The following MGAT5B variants were observed in gnomAD, a reference collection of about 807,000 sequenced individuals.
MGAT5B encodes N-acetylglucosaminyl-transferase Vb.
MGAT5B carries 54 observed loss-of-function variants against 95.1 expected under a neutral mutation model. That is an observed-to-expected ratio of 0.57 (90% CI 0.46 to 0.71). MGAT5B has a LOEUF of 0.71. MGAT5B is among the 30% of genes least tolerant of loss of function. The pLI, the probability that MGAT5B is intolerant of heterozygous loss-of-function variation, is 0.00. For missense variants in MGAT5B, 935 were observed against 1,088.6 expected, an observed-to-expected ratio of 0.86 and a Z score of 1.99; for synonymous variants, 464 against 451.0, an observed-to-expected ratio of 1.03 and a Z score of -0.36.
Position 76,914,644 on chromosome 17 carries a change from C to CTTTTTTTTTTT in MGAT5B, c.1025+8460_1025+8470dup, listed in dbSNP as rs55850824. Among the ~76,000 whole-genome samples the CTTTTTTTTTTT allele has an allele frequency of 1.1e-3, 165 of 146,196 alleles. No individual in the cohort carries two copies. The highest frequency in any genetic ancestry group is 1.7e-3 in the Non-Finnish European group (111 of 66,592). On this transcript the variant is annotated intron_variant, in intron 8 of 17. Transcript: ENST00000569840. The surrounding 1 kb of genome is among the most constrained non-coding windows in gnomAD (Gnocchi z 5.1). The stretch of plus-strand genomic sequence containing the variant: ...CTCTGTGTCCACATTTCTTCTTCCT[C>CTTTTTTTTTTT]TTTTTTTTTTTTTGAGACAGAGTCT...
At position 76,925,231 on chromosome 17, in the gene MGAT5B, C is replaced by T. The variant is rs62077196; in HGVS notation, c.1157+134C>T. ...AGAACATACTGTCCTGCATCCTGCC[C>T]TCCGCCCTCCCCTCCCCTCCCCTGC... is the stretch of plus-strand genomic sequence containing the variant. On this transcript the variant is annotated intron_variant, in intron 9 of 17. Coordinates refer to ENST00000569840, the MANE Select transcript of MGAT5B (RefSeq NM_001199172.2). The T allele has an allele frequency of 8.6e-3, 3,805 of 444,074 alleles. 32 individuals carry two copies. The highest frequency in any genetic ancestry group is 0.011 in the Non-Finnish European group (3,219 of 295,880). 27.5% of individuals were successfully genotyped at this position (444,074 alleles called of 1,614,324 possible). A position where few individuals can be genotyped will look rare whatever the true frequency, so the allele number is the denominator to read the frequency against.
chr17:76,893,961 G>A (rs903303370), intron 3 of MGAT5B, among the ~76,000 whole-genome samples: 1 of 152,172 alleles, frequency 6.6e-6, no homozygotes, highest in African/African-American at 2.4e-5. Context: ...CCACCTTCCC[G>A]GGGTGTAAGA....
chr17:76,923,546 A>G (rs1263646145), intron 8 of MGAT5B, among the ~76,000 whole-genome samples: 1 of 152,028 alleles, frequency 6.6e-6, no homozygotes, highest in African/African-American at 2.4e-5. Context: ...GAAGATGAAG[A>G]CAGGGCACGT....
intron 3 of MGAT5B, among the ~76,000 whole-genome samples, chr17:76,894,874 A>G (rs1968009955): frequency 6.7e-6 from 1 of 149,790 alleles, no homozygotes. Context: ...AGAAAAAAAG[A>G]AAAAAAAAGG....
At chr17:76,900,498 G>C (rs1190090164) in intron 3 of MGAT5B, among the ~76,000 whole-genome samples, 1 of 152,262 alleles carries the variant, frequency 6.6e-6, no homozygotes, top group Admixed American at 6.5e-5. Context: ...AGTGGACACA[G>C]ACACACACAG....
rs371313468 is a variant in MGAT5B, at chr17:76,912,162, G to A, written c.1025+5975G>A. ...ACGTTAACTCCATTACCTCTGTAAGGACCCCAACTCCAAATAAGGTCATAG... is the reference window on the plus strand; with the variant it reads ...ACGTTAACTCCATTACCTCTGTAAGAACCCCAACTCCAAATAAGGTCATAG... On this transcript the variant is annotated intron_variant, in intron 8 of 17. Coordinates refer to ENST00000569840, the MANE Select transcript of MGAT5B (RefSeq NM_001199172.2). This position sits in a 1 kb window ranked among gnomAD's most constrained non-coding sequence, Gnocchi z 5.0. Among the ~76,000 whole-genome samples the A allele has an allele frequency of 7.9e-5, 12 of 152,148 alleles. No homozygotes were observed. In the East Asian group the frequency reaches 9.6e-4, roughly 12 times the overall value.
chr17:76,887,061 A>AACAAAAACAAAAC (rs1967658819), intron 3 of MGAT5B, among the ~76,000 whole-genome samples: 1 of 152,040 alleles, frequency 6.6e-6, no homozygotes, highest in Non-Finnish European at 1.5e-5. Flanking sequence ...AAAAACAAAA[A>AACAAAAACAAAAC]AACACCGTTG....
intron 8 of MGAT5B, among the ~76,000 whole-genome samples, chr17:76,910,961 TA>T (rs1218237241): frequency 6.6e-6 from 1 of 152,150 alleles, no homozygotes; most frequent in African/African-American, 2.4e-5. Context: ...AGAATAAAAA[TA>T]AAAGCAAAAC....
At chr17:76,902,167 C>A (rs749216917) in intron 3 of MGAT5B, among the ~76,000 whole-genome samples, 16 of 152,108 alleles carry the variant, frequency 1.1e-4, no homozygotes, top group Non-Finnish European at 1.6e-4. Context: ...GGCACACGTG[C>A]AGTTGTGGCC....
At chr17:76,910,647 C>CAT (rs2090314600) in intron 8 of MGAT5B, among the ~76,000 whole-genome samples, 1 of 152,266 alleles carries the variant, frequency 6.6e-6, no homozygotes, top group South Asian at 2.1e-4. Context: ...CACACACATG[C>CAT]ATGTCCACAC....
At chr17:76,885,123 C>G (rs1030447614) in intron 3 of MGAT5B, among the ~76,000 whole-genome samples, 1 of 152,100 alleles carries the variant, frequency 6.6e-6, no homozygotes, top group Non-Finnish European at 1.5e-5. Flanking sequence ...GCAGTGAGGC[C>G]GTGGTGGAGA....
chr17:76,901,162 C>T (rs1291937120), intron 3 of MGAT5B, among the ~76,000 whole-genome samples: 3 of 152,068 alleles, frequency 2.0e-5, no homozygotes, highest in East Asian at 1.9e-4. Context: ...CTGTAGAGGG[C>T]GGGTGGCCAT....
At chr17:76,902,118 G>T (rs1968334604) in intron 3 of MGAT5B, among the ~76,000 whole-genome samples, 1 of 152,048 alleles carries the variant, frequency 6.6e-6, no homozygotes, top group African/African-American at 2.4e-5. Flanking sequence ...GTGTGCATAT[G>T]TGGGGACATG....
chr17:76,900,392 T>C (rs1000078676), intron 3 of MGAT5B, among the ~76,000 whole-genome samples: 3 of 152,228 alleles, frequency 2.0e-5, no homozygotes, highest in African/African-American at 7.2e-5. Flanking sequence ...CTCATTTGGA[T>C]ATAAGCTCTT....
At chr17:76,886,628 G>A (rs1389452168) in intron 3 of MGAT5B, among the ~76,000 whole-genome samples, 1 of 152,220 alleles carries the variant, frequency 6.6e-6, no homozygotes, top group Non-Finnish European at 1.5e-5. Context: ...GCAGATGGCT[G>A]AGGTGGCTGA....
rs897390924 is a variant in MGAT5B, at chr17:76,932,549, C to T, written c.1292-96C>T. ...TGCCCCGCCCCCTTTCCCACCCCTG[C>T]CAAAAGAGGACCTCTTGGGCGGGGC... On this transcript the variant is annotated intron_variant, in intron 10 of 17. Transcript: ENST00000569840. 4.5e-6 allele frequency: 7 copies of T among 1,553,038 alleles called. No individual in the cohort carries two copies. The Admixed American group carries it at 1.3e-4, about 29-fold the overall frequency.
rs1968393036 is a variant in MGAT5B at position 76,903,363 on chromosome 17, C to G, written c.506C>G (p.Ser169Ter). 1 of 1,610,852 alleles carries G rather than the reference C, an allele frequency of 6.2e-7. No individual in the cohort carries two copies. Among genetic ancestry groups the G allele is most frequent in the Non-Finnish European group, 8.5e-7 (1 of 1,178,516 alleles). Residue 169 changes from serine (S) to a stop codon, truncating the protein, a stop_gained, in exon 5 of 18, where the codon TCA becomes TGA. Coordinates refer to ENST00000569840, the MANE Select transcript of MGAT5B (RefSeq NM_001199172.2). LOFTEE classifies it high-confidence loss of function. ...APSDPKFPDC[S>*]GKVEWMRARW... ...AGTGACCCCAAGTTCCCTGACTGCT[C>G]AGGGAAGGTGGAGGTGAGGCCTGGG...
At chr17:76,913,954 CAAA>C in intron 8 of MGAT5B, 1 of 351,580 alleles carries the variant, frequency 2.8e-6, no homozygotes, top group South Asian at 2.2e-5. Flanking sequence ...TTACCAAAAA[CAAA>C]AAAATTAGCC....
chr17:76,909,190 G>A (rs1663457), intron 8 of MGAT5B, among the ~76,000 whole-genome samples: 23,891 of 151,258 alleles, frequency 0.16, 2,146 homozygotes, highest in Admixed American at 0.23. Context: ...TCTCAAACTC[G>A]TGGGCTCAAG....
Sources: gnomAD v4.1 joint callset for allele counts (sites outside exome capture counted in the v4.1 genomes callset) on GRCh38, gnomAD v4.1.1 for gene constraint, Gnocchi (gnomAD v3.1) non-coding constraint, MANE v1.5 for transcripts, NCBI Gene and HGNC (gene_info 2026-07-23, HGNC 2026-07-21) for gene names.